PTPRN2: variants seen among roughly 807,000 people sequenced by gnomAD.
PTPRN2 encodes protein tyrosine phosphatase receptor type N2, also known as receptor-type tyrosine-protein phosphatase N2.
Under a neutral mutation model 118.8 loss-of-function variants are expected in PTPRN2, and 74 were observed. The observed-to-expected ratio is 0.62, with a 90% CI of 0.52 to 0.76. The LOEUF (loss-of-function observed/expected upper bound fraction) is 0.76, where lower values mean the gene tolerates loss of function less well. Ranked by LOEUF, PTPRN2 falls within the 30% of genes least tolerant of loss-of-function variation. The pLI is 0.00. For missense variants in PTPRN2, 1,481 were observed against 1,394.4 expected (o/e 1.06, Z -0.99); for synonymous variants, 641 against 608.0 (o/e 1.05, Z -0.80).
chr7:158,345,268 T>C (rs1356763502), intron 2 of PTPRN2, among the ~76,000 whole-genome samples: 1 of 152,236 alleles, frequency 6.6e-6, no homozygotes, highest in Non-Finnish European at 1.5e-5. Flanking sequence ...CCTAACTGCC[T>C]GTCTCCTGGC....
chr7:158,249,051 G>C (rs61724323), intron 3 of PTPRN2, among the ~76,000 whole-genome samples: 1 of 151,148 alleles, frequency 6.6e-6, no homozygotes, highest in East Asian at 2.0e-4. Flanking sequence ...TGCCACACAC[G>C]TGCACCCACA....
intron 2 of PTPRN2, among the ~76,000 whole-genome samples, chr7:158,375,833 G>T (rs1462443504): frequency 6.6e-6 from 1 of 152,068 alleles, no homozygotes; most frequent in Non-Finnish European, 1.5e-5. Context: ...TTGGCTGCGG[G>T]ACGGCCAAAC....
At chr7:158,521,472 C>T (rs1361290390) in intron 1 of PTPRN2, among the ~76,000 whole-genome samples, 1 of 152,260 alleles carries the variant, frequency 6.6e-6, no homozygotes, top group Admixed American at 6.5e-5. Flanking sequence ...GAAGCAGTAA[C>T]TCCAAAATCA....
At chr7:158,496,327 C>A (rs1235807971) in intron 1 of PTPRN2, among the ~76,000 whole-genome samples, 22 of 95,510 alleles carry the variant, frequency 2.3e-4, no homozygotes, top group Non-Finnish European at 4.2e-5. Flanking sequence ...TTTCCTGTGG[C>A]CCCTCCCCTT....
chr7:158,444,632 C>A (rs1326414001), intron 2 of PTPRN2, among the ~76,000 whole-genome samples: 1 of 152,180 alleles, frequency 6.6e-6, no homozygotes, highest in Non-Finnish European at 1.5e-5. Context: ...AAGTGAAAGC[C>A]TCGGACCGTG....
intron 10 of PTPRN2, among the ~76,000 whole-genome samples, chr7:158,103,496 G>A (rs886588134): frequency 3.9e-5 from 6 of 152,232 alleles, no homozygotes; most frequent in Non-Finnish European, 5.9e-5. Flanking sequence ...AGCGATGTCC[G>A]AGGCAGGGCC....
At chr7:158,201,059 T>TC in intron 4 of PTPRN2, among the ~76,000 whole-genome samples, 1 of 150,154 alleles carries the variant, frequency 6.7e-6, no homozygotes. Flanking sequence ...AAAAAGTGGT[T>TC]TTTTTTTTTT....
intron 12 of PTPRN2, among the ~76,000 whole-genome samples, chr7:157,795,856 T>C (rs1804836110): frequency 6.6e-6 from 1 of 152,188 alleles, no homozygotes; most frequent in Non-Finnish European, 1.5e-5. Context: ...TGTCACACCC[T>C]GACCTGCCTG....
intron 2 of PTPRN2, among the ~76,000 whole-genome samples, chr7:158,424,354 G>C (rs569356821): frequency 2.6e-4 from 39 of 152,310 alleles, no homozygotes; most frequent in African/African-American, 8.4e-4. Context: ...AGCAAAGCGA[G>C]GCGTTTTCAG....
intron 4 of PTPRN2, among the ~76,000 whole-genome samples, chr7:158,199,183 T>C (rs143090934): frequency 2.2e-4 from 33 of 152,252 alleles, no homozygotes; most frequent in African/African-American, 6.7e-4. Context: ...GTCCTTAGCA[T>C]GTTCTTAGGC....
At position 157,569,933 on chromosome 7, in the gene PTPRN2, T is replaced by A. The variant is rs80070562; in HGVS notation, c.2838-967A>T. Among the ~76,000 whole-genome samples the A allele has an allele frequency of 9.4e-3, 1,438 of 152,370 alleles. 24 individuals carry two copies. Among genetic ancestry groups the A allele is most frequent in the African/African-American group, 0.033 (1,360 of 41,598 alleles). ...GAAAGATGTGACTACCCAGCAGATA[T>A]CACACTTTCGGTTCTGCTTTCTATG... On this transcript the variant is annotated intron_variant, in intron 20 of 22. Coordinates refer to ENST00000389418, the MANE Select transcript of PTPRN2 (RefSeq NM_002847.5).
chr7:158,103,210 C>A (rs1390895162), intron 10 of PTPRN2, among the ~76,000 whole-genome samples: 2 of 152,152 alleles, frequency 1.3e-5, no homozygotes. Context: ...ACGATGAGTT[C>A]CTGAGTCCTA....
chr7:157,901,955 G>A (rs935529183), intron 11 of PTPRN2, among the ~76,000 whole-genome samples: 2 of 151,760 alleles, frequency 1.3e-5, no homozygotes, highest in African/African-American at 4.8e-5. Context: ...TCCTGAGGCG[G>A]GGCCTTCCCG....
chr7:157,669,103 C>T (rs1235606618), intron 13 of PTPRN2, among the ~76,000 whole-genome samples: 3 of 152,198 alleles, frequency 2.0e-5, no homozygotes, highest in Non-Finnish European at 2.9e-5. Context: ...TGATCGGCAC[C>T]GCTACAAGGT....
intron 5 of PTPRN2, among the ~76,000 whole-genome samples, chr7:158,185,877 G>T (rs988360127): frequency 6.6e-6 from 1 of 152,128 alleles, no homozygotes; most frequent in Non-Finnish European, 1.5e-5. Context: ...TTCCCCGTCG[G>T]TCCCACCCTG....
At chr7:158,219,879 T>TAA (rs112844748) in intron 3 of PTPRN2, among the ~76,000 whole-genome samples, 1 of 145,142 alleles carries the variant, frequency 6.9e-6, no homozygotes, top group Non-Finnish European at 1.5e-5. Context: ...GAATTGCTAA[T>TAA]AAAAAAAAAA....
intron 2 of PTPRN2, among the ~76,000 whole-genome samples, chr7:158,346,897 C>T (rs1436022912): frequency 6.6e-6 from 1 of 152,168 alleles, no homozygotes; most frequent in Non-Finnish European, 1.5e-5. Flanking sequence ...ATTTTTATGT[C>T]TTCTTTTGAG....
At chr7:158,152,765 C>T (rs566525541) in intron 6 of PTPRN2, among the ~76,000 whole-genome samples, 1 of 152,224 alleles carries the variant, frequency 6.6e-6, no homozygotes, top group African/African-American at 2.4e-5. Context: ...AAGAGGAGCA[C>T]GTTGGCAAAA....
intron 11 of PTPRN2, among the ~76,000 whole-genome samples, chr7:158,059,501 GCACA>G (rs1379523118): frequency 4.4e-5 from 5 of 112,982 alleles, no homozygotes; most frequent in African/African-American, 2.3e-4. Flanking sequence ...CACTCCATCT[GCACA>G]CAGTGACACA....
Sources: gnomAD v4.1 joint callset for allele counts (sites outside exome capture counted in the v4.1 genomes callset) on GRCh38, gnomAD v4.1.1 for gene constraint, MANE v1.5 for transcripts, NCBI Gene and HGNC (gene_info 2026-07-23, HGNC 2026-07-21) for gene names.